Variants in ANKRD34B observed in about 807,000 individuals in gnomAD.
The protein encoded by ANKRD34B is ankyrin repeat domain 34B.
In ANKRD34B, 2 loss-of-function variants were observed where a neutral mutation model predicts 4.4. The observed-to-expected ratio is 0.46, with a 90% CI of 0.19 to 1.44. ANKRD34B has a LOEUF of 1.44. Among genes scored for constraint, ANKRD34B ranks in the 40% most tolerant of loss-of-function variants. ANKRD34B has a pLI of 0.26. For synonymous variants in ANKRD34B, 226 were observed against 227.1 expected (o/e 0.99, Z 0.05); for missense variants, 558 against 604.7 (o/e 0.92, Z 0.81).
At chr5:80,562,967 C>G (rs941713170) in intron 4 of ANKRD34B, among the ~76,000 whole-genome samples, 5 of 151,784 alleles carry the variant, frequency 3.3e-5, no homozygotes, top group African/African-American at 1.2e-4. Flanking sequence ...AAAAAAGCAA[C>G]TTGGAGGAAA....
Position 80,559,852 on chromosome 5 carries a change from G to A in ANKRD34B, c.168C>T (p.Val56=), listed in dbSNP as rs992341636. 5.0e-6 allele frequency: 8 copies of A among 1,614,202 alleles called. No individual in the cohort carries two copies. Among genetic ancestry groups the A allele is most frequent in the Non-Finnish European group, 3.4e-6 (4 of 1,180,046 alleles). The change falls in exon 5 of 5, where the codon GTC becomes GTT. Residue 56 remains valine (V), a synonymous_variant. Coordinates refer to ENST00000338682, the MANE Select transcript of ANKRD34B (RefSeq NM_001004441.3). ...TGGCTTTACTGACACTCTGGTGATCGACATGTTTGGTCTTACAAGCGATCA... is the reference window on the plus strand; with the variant it reads ...TGGCTTTACTGACACTCTGGTGATCAACATGTTTGGTCTTACAAGCGATCA... ...PLMIACKTKH[V]DHQSVSKAKM...
chr5:80,569,348 T>C (rs373971413), intron 1 of ANKRD34B, among the ~76,000 whole-genome samples: 1 of 152,136 alleles, frequency 6.6e-6, no homozygotes, highest in East Asian at 1.9e-4. Context: ...GCGCAGCCAC[T>C]GCCCCCATCC....
At chr5:80,560,234 A>G (rs1746378644) in intron 4 of ANKRD34B, among the ~76,000 whole-genome samples, 192 bp from the exon 5 acceptor site, 1 of 152,256 alleles carries the variant, frequency 6.6e-6, no homozygotes, top group South Asian at 2.1e-4. Flanking sequence ...TTAGGAAATT[A>G]CAAATTAAAA....
At chr5:80,568,568 A>G (rs1378805171) in intron 2 of ANKRD34B, among the ~76,000 whole-genome samples, 1 of 152,172 alleles carries the variant, frequency 6.6e-6, no homozygotes, top group Non-Finnish European at 1.5e-5. Context: ...GAGGCCAGCT[A>G]CACTGGAATA....
At chr5:80,560,171 A>G (rs1422652203) in intron 4 of ANKRD34B, 129 bp from the exon 5 acceptor site, 5 of 544,836 alleles carry the variant, frequency 9.2e-6, no homozygotes, top group Non-Finnish European at 1.6e-5. Flanking sequence ...TAATAAATGC[A>G]GAACAAAATA....
At position 80,570,231 on chromosome 5, in the gene ANKRD34B, G is replaced by T. The variant is rs1746719583; in HGVS notation, c.-416C>A. The T allele has an allele frequency of 6.6e-6, 1 of 152,300 alleles. No homozygotes were observed. 9.4% of individuals were successfully genotyped at this position (152,300 alleles called of 1,614,324 possible). The stretch of plus-strand genomic sequence containing the variant: ...TGCCCGACCCTCTGTGCGGCCCTAG[G>T]GCGCCGTCTGAGCTGAGCTGTGGTC... On this transcript the variant is annotated 5_prime_UTR_variant, in exon 1 of 5. Transcript: ENST00000338682.
In ANKRD34B at chr5:80,559,758, G is replaced by C; in HGVS notation, c.262C>G (p.Leu88Val). 1 of 1,614,210 alleles carries C rather than the reference G, an allele frequency of 6.2e-7. No homozygotes were observed. Among genetic ancestry groups the C allele is most frequent in the East Asian group, 2.2e-5 (1 of 44,894 alleles). Reference sequence around the variant, plus strand: ...GCTTTTTCTAAGCAAGCATGCATCAGAGCCGTTTTCCCAGATTTGTCCTGT... The same window carrying C: ...GCTTTTTCTAAGCAAGCATGCATCACAGCCGTTTTCCCAGATTTGTCCTGT... ...NIQDKSGKTA[L>V]MHACLEKAGP... is the part of the protein sequence containing the mutation. The change falls in exon 5 of 5, where the codon CTG becomes GTG. Residue 88 changes from leucine to valine, a missense_variant. By Grantham distance (32) the Leu-to-Val change is conservative. Coordinates refer to ENST00000338682, the MANE Select transcript of ANKRD34B (RefSeq NM_001004441.3).
At chr5:80,569,712 C>T (rs1746699754) in intron 1 of ANKRD34B, among the ~76,000 whole-genome samples, 1 of 152,196 alleles carries the variant, frequency 6.6e-6, no homozygotes, top group Non-Finnish European at 1.5e-5. Flanking sequence ...CCCGCATCCT[C>T]CTCGACACCC....
chr5:80,569,967 G>A (rs1368554688), intron 1 of ANKRD34B, among the ~76,000 whole-genome samples, 187 bp downstream of exon 1: 2 of 152,220 alleles, frequency 1.3e-5, no homozygotes, highest in Non-Finnish European at 2.9e-5. Flanking sequence ...TCCTGCTCGG[G>A]GCACTGCAAT....
chr5:80,558,337 A>T lies in ANKRD34B; in HGVS notation c.*138T>A. 1 of 677,312 alleles carries T rather than the reference A, an allele frequency of 1.5e-6. No homozygotes were observed. Among genetic ancestry groups the T allele is most frequent in the Non-Finnish European group, 2.4e-6 (1 of 412,236 alleles). 42.0% of individuals were successfully genotyped at this position (677,312 alleles called of 1,614,324 possible). On this transcript the variant is annotated 3_prime_UTR_variant, in exon 5 of 5. Coordinates refer to ENST00000338682, the MANE Select transcript of ANKRD34B (RefSeq NM_001004441.3). The stretch of plus-strand genomic sequence containing the variant: ...ATGCTCATGACGCCTAGTACAAATC[A>T]CATTACATTTTAATCCATCTAGCCA...
Position 80,558,402 on chromosome 5 carries a change from T to C in ANKRD34B, c.*73A>G. ...ATCACGAGATTTAAAAGAATGAACA[T>C]TTAAGATTTCTTCTCTAGTTCTTTG... On this transcript the variant is annotated 3_prime_UTR_variant, in exon 5 of 5. Transcript: ENST00000338682. 2.5e-6 allele frequency: 3 copies of C among 1,205,776 alleles called. No homozygotes were observed. The South Asian group carries it at 4.6e-5, about 18-fold the overall frequency. 74.7% of individuals were successfully genotyped at this position (1,205,776 alleles called of 1,614,324 possible).
In ANKRD34B at chr5:80,561,324, T is replaced by C. The variant is rs144771557; in HGVS notation, c.-23-1282A>G. 4.1e-4 allele frequency among the ~76,000 whole-genome samples: 63 copies of C among 152,252 alleles called. No homozygotes were observed. In the East Asian group the frequency reaches 0.01, roughly 25 times the overall value. On this transcript the variant is annotated intron_variant, in intron 4 of 4. Coordinates refer to ENST00000338682, the MANE Select transcript of ANKRD34B (RefSeq NM_001004441.3). ...ATATATAATATTTACATCTGTTTCA[T>C]TGATTCAGTAGTTTTTGGAAACTGA...
intron 4 of ANKRD34B, among the ~76,000 whole-genome samples, chr5:80,562,177 A>G (rs1006353004): frequency 2.0e-5 from 3 of 151,512 alleles, no homozygotes; most frequent in African/African-American, 4.9e-5. Flanking sequence ...GGTCCTTGCT[A>G]CTTGAGGTGT....
rs1746307201 is a variant in ANKRD34B, at chr5:80,558,326, T to C, written c.*149A>G. The C allele has an allele frequency of 2.2e-5, 14 of 636,138 alleles. No individual in the cohort carries two copies. In the South Asian group the frequency reaches 3.1e-4, roughly 14 times the overall value. The allele number at this position is 636,138 out of a possible 1,614,324, so 39.4% of individuals were successfully genotyped here. On this transcript the variant is annotated 3_prime_UTR_variant, in exon 5 of 5. Transcript: ENST00000338682. ...TATTATTTTTTATGCTCATGACGCC[T>C]AGTACAAATCACATTACATTTTAAT...
intron 1 of ANKRD34B, 118 bp from the exon 2 acceptor site, chr5:80,569,225 G>GCGAT (rs971749095): frequency 2.0e-4 from 31 of 152,366 alleles, no homozygotes; most frequent in Non-Finnish European, 4.0e-4. Context: ...GCGGGCTAAG[G>GCGAT]CGATCACCAT....
At position 80,566,750 on chromosome 5, in the gene ANKRD34B, T is replaced by C. The variant is rs1746579210; in HGVS notation, c.-166A>G. On this transcript the variant is annotated 5_prime_UTR_variant, in exon 3 of 5. Coordinates refer to ENST00000338682, the MANE Select transcript of ANKRD34B (RefSeq NM_001004441.3). ...GTCTCTTCTCTCCCTGGATAAGTTTTCTGTCAGCCAGCTGTCAGTTCCTAC... is the reference window on the plus strand; with the variant it reads ...GTCTCTTCTCTCCCTGGATAAGTTTCCTGTCAGCCAGCTGTCAGTTCCTAC... 1 of 152,684 alleles carries C rather than the reference T, an allele frequency of 6.5e-6. No individual in the cohort carries two copies. The highest frequency in any genetic ancestry group is 6.5e-5 in the Admixed American group (1 of 15,280). 9.5% of individuals were successfully genotyped at this position (152,684 alleles called of 1,614,324 possible). A position where few individuals can be genotyped will look rare whatever the true frequency, so the allele number is the denominator to read the frequency against.
chr5:80,565,493 C>G (rs1411291685), intron 3 of ANKRD34B, among the ~76,000 whole-genome samples: 1 of 152,242 alleles, frequency 6.6e-6, no homozygotes, highest in Admixed American at 6.5e-5. Context: ...GACTCTCACA[C>G]TTATTGGCTA....
At chr5:80,569,482 G>A (rs770557794) in intron 1 of ANKRD34B, among the ~76,000 whole-genome samples, 2 of 152,128 alleles carry the variant, frequency 1.3e-5, no homozygotes, top group Non-Finnish European at 2.9e-5. Flanking sequence ...CCTGGAAGCA[G>A]GAGCTCCTGG....
intron 2 of ANKRD34B, among the ~76,000 whole-genome samples, chr5:80,568,516 G>GA (rs1388402229): frequency 2.0e-5 from 3 of 152,110 alleles, no homozygotes; most frequent in Non-Finnish European, 4.4e-5. Flanking sequence ...AGACGGGTTT[G>GA]AAAAAACCCA....
Sources: allele counts gnomAD v4.1 joint callset (sites outside exome capture counted in the v4.1 genomes callset), GRCh38; gene constraint gnomAD v4.1.1; transcripts MANE v1.5; gene names NCBI Gene and HGNC (gene_info 2026-07-23, HGNC 2026-07-21).